Variants in SNX13 observed in about 807,000 individuals in gnomAD.
SNX13 encodes sorting nexin-13.
SNX13 carries 45 observed loss-of-function variants against 133.6 expected under a neutral mutation model. The observed-to-expected ratio is 0.34, with a 90% CI of 0.27 to 0.43. The LOEUF is 0.43. SNX13 is among the 20% of genes least tolerant of loss of function. SNX13 has a pLI of 1.00. For missense variants in SNX13, 1,032 were observed against 1,145.1 expected (o/e 0.90, Z 1.43); for synonymous variants, 414 against 373.9 (o/e 1.11, Z -1.24).
At chr7:17,831,287 T>C in intron 15 of SNX13, 1 of 964,632 alleles carries the variant, frequency 1.0e-6, no homozygotes, top group Non-Finnish European at 1.2e-6. Flanking sequence ...CTGTTCAACA[T>C]GGTGAGACAA....
chr7:17,919,642 G>A (rs780683699), intron 1 of SNX13, among the ~76,000 whole-genome samples: 8 of 152,056 alleles, frequency 5.3e-5, no homozygotes, highest in Non-Finnish European at 8.8e-5. Flanking sequence ...ACAAATACCC[G>A]AGTTTTAGAA....
At chr7:17,924,164 TTAAA>T (rs1800453801) in intron 1 of SNX13, among the ~76,000 whole-genome samples, 1 of 152,170 alleles carries the variant, frequency 6.6e-6, no homozygotes, top group African/African-American at 2.4e-5. Flanking sequence ...AATCCTGTGC[TTAAA>T]TGACACCATC....
At chr7:17,872,402 T>A (rs1352059243) in intron 8 of SNX13, among the ~76,000 whole-genome samples, 1 of 152,150 alleles carries the variant, frequency 6.6e-6, no homozygotes, top group Non-Finnish European at 1.5e-5. Context: ...TATAAACAGA[T>A]TATTATGCCA....
chr7:17,937,451 T>C (rs1583863594), intron 1 of SNX13, among the ~76,000 whole-genome samples: 1 of 146,118 alleles, frequency 6.8e-6, no homozygotes, highest in African/African-American at 2.6e-5. Flanking sequence ...AAGGCGGAGG[T>C]TGCAGTGAGC....
intron 5 of SNX13, chr7:17,879,967 T>A (rs1795154610): frequency 6.6e-6 from 1 of 152,202 alleles, no homozygotes; most frequent in African/African-American, 2.4e-5. Flanking sequence ...TACACAGGGA[T>A]GGAGTGTATA....
chr7:17,867,435 T>C (rs1024525809), intron 9 of SNX13, among the ~76,000 whole-genome samples: 2 of 151,822 alleles, frequency 1.3e-5, no homozygotes, highest in Non-Finnish European at 1.5e-5. Flanking sequence ...AGCAAAACCA[T>C]GTCTCTACCA....
chr7:17,910,681 G>A (rs927542129), intron 1 of SNX13, among the ~76,000 whole-genome samples: 1 of 152,144 alleles, frequency 6.6e-6, no homozygotes, highest in African/African-American at 2.4e-5. Context: ...ATCAGTGAAT[G>A]AACAAATTGT....
chr7:17,834,043 C>T lies in SNX13; in HGVS notation c.1597+9G>A, dbSNP rs1406965162. On this transcript the variant is annotated intron_variant, in intron 15 of 25. Coordinates refer to ENST00000428135, the MANE Select transcript of SNX13 (RefSeq NM_015132.5). The stretch of plus-strand genomic sequence containing the variant: ...ATGCATATTATGTGTAAAATGGGTG[C>T]CACCTTACCTCCATCCCCATCATCG... 4 of 1,513,060 alleles carry T rather than the reference C, an allele frequency of 2.6e-6. No homozygotes were observed. Among genetic ancestry groups the T allele is most frequent in the African/African-American group, 1.4e-5 (1 of 71,880 alleles). The allele number at this position is 1,513,060 out of a possible 1,614,324, so 93.7% of individuals were successfully genotyped here. A position where few individuals can be genotyped will look rare whatever the true frequency, so the allele number is the denominator to read the frequency against.
chr7:17,878,869 C>T (rs1313507668), intron 5 of SNX13, among the ~76,000 whole-genome samples: 5 of 152,128 alleles, frequency 3.3e-5, no homozygotes, highest in East Asian at 1.9e-4. Flanking sequence ...GCCCCTTTTA[C>T]TCTCAGTGCC....
At chr7:17,896,811 T>A (rs144263921) in intron 2 of SNX13, among the ~76,000 whole-genome samples, 37 of 152,198 alleles carry the variant, frequency 2.4e-4, no homozygotes, top group Non-Finnish European at 4.9e-4. Context: ...TTGTAAAGGT[T>A]TATCAACTTA....
rs368169416 is a variant in SNX13, at chr7:17,852,921, C to T, written c.838-1957G>A. On this transcript the variant is annotated intron_variant, in intron 9 of 25. Transcript: ENST00000428135. ...TGCATAGATACAGGTTATGAATGTA[C>T]GTGGTAACAGGATATTATGAAACAT... 2.4e-4 allele frequency among the ~76,000 whole-genome samples: 37 copies of T among 152,190 alleles called. No homozygotes were observed. In the South Asian group the frequency reaches 5.4e-3, roughly 22 times the overall value.
chr7:17,883,609 T>A (rs957694770), intron 5 of SNX13, among the ~76,000 whole-genome samples: 1 of 152,202 alleles, frequency 6.6e-6, no homozygotes, highest in Non-Finnish European at 1.5e-5. Context: ...ATGTGCTGAA[T>A]GTGCACGTTT....
intron 16 of SNX13, among the ~76,000 whole-genome samples, chr7:17,828,520 C>T (rs1473244085): frequency 6.6e-6 from 1 of 151,588 alleles, no homozygotes; most frequent in Non-Finnish European, 1.5e-5. Context: ...AAATACCAAA[C>T]ACATTAAATA....
intron 12 of SNX13, among the ~76,000 whole-genome samples, chr7:17,840,208 G>A (rs186662283): frequency 7.2e-5 from 11 of 152,050 alleles, no homozygotes; most frequent in East Asian, 1.9e-4. Context: ...AAGTGAAGTC[G>A]TGTATTTCAG....
At chr7:17,808,349 A>C (rs912241857) in intron 20 of SNX13, among the ~76,000 whole-genome samples, 2 of 152,224 alleles carry the variant, frequency 1.3e-5, no homozygotes, top group Non-Finnish European at 2.9e-5. Flanking sequence ...GGAAGAAAGG[A>C]TATCAGAGAT....
intron 9 of SNX13, among the ~76,000 whole-genome samples, chr7:17,864,016 C>G (rs1793066094): frequency 1.3e-5 from 2 of 152,312 alleles, no homozygotes; most frequent in East Asian, 3.9e-4. Context: ...GCTTAGGTTA[C>G]AACATTCAAT....
chr7:17,812,834 T>C (rs1378116454), intron 20 of SNX13, among the ~76,000 whole-genome samples: 1 of 152,226 alleles, frequency 6.6e-6, no homozygotes, highest in East Asian at 1.9e-4. Flanking sequence ...GATGAGTTCA[T>C]GTCCTTTACA....
rs756613654 is a variant in SNX13 at position 17,821,629 on chromosome 7, G to C, written c.1725C>G (p.Gly575=). The C allele has an allele frequency of 7.4e-6, 12 of 1,613,468 alleles. No individual in the cohort carries two copies. The highest frequency in any genetic ancestry group is 1.7e-4 in the Middle Eastern group (1 of 6,060). Residue 575 remains glycine, a synonymous_variant, in exon 18 of 26, where the codon GGC becomes GGG. Transcript: ENST00000428135. ...ISDTGVCNDH[G]KTYALYAITV... is the part of the protein sequence containing the mutation. ...TGATGGCATATAATGCATATGTCTT[G>C]CCATGATCATTACAAACGCCTGCCA...
intron 20 of SNX13, among the ~76,000 whole-genome samples, chr7:17,808,712 C>T (rs889618373): frequency 6.6e-6 from 1 of 152,150 alleles, no homozygotes; most frequent in African/African-American, 2.4e-5. Flanking sequence ...AGAGAAAGGT[C>T]AGGTTACCCA....
Sources: gnomAD v4.1 joint callset for allele counts (sites outside exome capture counted in the v4.1 genomes callset) on GRCh38, gnomAD v4.1.1 for gene constraint, MANE v1.5 for transcripts, NCBI Gene and HGNC (gene_info 2026-07-23, HGNC 2026-07-21) for gene names.